IL22RA2: variants seen among roughly 807,000 people sequenced by gnomAD.
IL22RA2 encodes interleukin 22 receptor subunit alpha 2.
In IL22RA2, 39 loss-of-function variants were observed where a neutral mutation model predicts 30.7. That is an observed-to-expected ratio of 1.27 (90% confidence interval 0.98 to 1.66). The LOEUF (loss-of-function observed/expected upper bound fraction) is 1.66. IL22RA2 is among the 40% of genes most tolerant of loss of function. The probability of loss-of-function intolerance (pLI) is 0.00; values close to 1 mark genes in which losing one functional copy is unlikely to be tolerated. For missense variants in IL22RA2, 315 were observed against 312.7 expected, an observed-to-expected ratio of 1.01 and a Z score of -0.05; for synonymous variants, 103 against 105.0, an observed-to-expected ratio of 0.98 and a Z score of 0.11.
chr6:137,163,016 T>A (rs1200235781), intron 1 of IL22RA2, among the ~76,000 whole-genome samples: 2 of 152,214 alleles, frequency 1.3e-5, no homozygotes, highest in Non-Finnish European at 2.9e-5. Flanking sequence ...TAACAGCCTG[T>A]CTTCTCTCTG....
At chr6:137,172,960 A>G (rs1238440294) in intron 1 of IL22RA2, among the ~76,000 whole-genome samples, 3 of 152,180 alleles carry the variant, frequency 2.0e-5, no homozygotes, top group Non-Finnish European at 4.4e-5. Flanking sequence ...AGGCCTGGGA[A>G]AGGGGGTTAC....
intron 1 of IL22RA2, among the ~76,000 whole-genome samples, chr6:137,164,746 T>G (rs549022917): frequency 2.2e-4 from 33 of 152,184 alleles, no homozygotes; most frequent in Admixed American, 7.9e-4. Context: ...GCCCAAGCAA[T>G]GCAGATGCCA....
intron 1 of IL22RA2, among the ~76,000 whole-genome samples, chr6:137,172,043 C>A (rs1368569726): frequency 6.6e-6 from 1 of 152,216 alleles, no homozygotes. Context: ...TTATTCACTT[C>A]CCTGCTAATG....
At position 137,167,013 on chromosome 6, in the gene IL22RA2, T is replaced by C. The variant is rs373693563; in HGVS notation, c.-65-5199A>G. ...TGCATGCTAGTGTTTGTCTGCACTT[T>C]CTCAGGGTGGGTTGAGGCATTTCCC... On this transcript the variant is annotated intron_variant, in intron 1 of 6. Transcript: ENST00000296980. 6.1e-4 allele frequency among the ~76,000 whole-genome samples: 93 copies of C among 152,306 alleles called. 1 individual carries two copies. The South Asian group carries it at 0.019, about 32-fold the overall frequency.
intron 1 of IL22RA2, among the ~76,000 whole-genome samples, chr6:137,162,121 T>C (rs1040622): frequency 0.15 from 22,253 of 152,064 alleles, 1,738 homozygotes; most frequent in Non-Finnish European, 0.17. Flanking sequence ...AAACAACTAG[T>C]GGGGCCTTAA....
chr6:137,152,756 G>C (rs939245690), intron 5 of IL22RA2, among the ~76,000 whole-genome samples: 2 of 152,352 alleles, frequency 1.3e-5, no homozygotes, highest in East Asian at 1.9e-4. Context: ...AGTGGATGCA[G>C]TGACCATCTA....
In IL22RA2 at chr6:137,145,567, A is replaced by T; in HGVS notation, c.*57T>A. The T allele has an allele frequency of 6.6e-7, 1 of 1,508,940 alleles. No homozygotes were observed. The highest frequency in any genetic ancestry group is 2.3e-5 in the East Asian group (1 of 43,742). 93.5% of individuals were successfully genotyped at this position (1,508,940 alleles called of 1,614,324 possible). ...AAATAAGATCCTTCAAACACGAGTCATCCTGTTCTCAGGGAGCTTTAGAAT... is the reference window on the plus strand; with the variant it reads ...AAATAAGATCCTTCAAACACGAGTCTTCCTGTTCTCAGGGAGCTTTAGAAT... On this transcript the variant is annotated 3_prime_UTR_variant, in exon 7 of 7. Transcript: ENST00000296980.
chr6:137,160,590 C>T (rs1387809234), intron 2 of IL22RA2, among the ~76,000 whole-genome samples: 1 of 152,160 alleles, frequency 6.6e-6, no homozygotes, highest in Non-Finnish European at 1.5e-5. Flanking sequence ...CTTCTTCCCT[C>T]CTCCTCCTCC....
chr6:137,173,081 A>G (rs748292298), intron 1 of IL22RA2, among the ~76,000 whole-genome samples: 1 of 152,238 alleles, frequency 6.6e-6, no homozygotes, highest in Non-Finnish European at 1.5e-5. Flanking sequence ...AAGTTTATCT[A>G]CAAGATGTGG....
Position 137,156,848 on chromosome 6 carries a change from GA to G in IL22RA2, c.203del (p.Phe68SerfsTer5). 1 of 1,613,150 alleles carries G rather than the reference GA, an allele frequency of 6.2e-7. No individual in the cohort carries two copies. The highest frequency in any genetic ancestry group is 1.3e-5 in the African/African-American group (1 of 75,036). On this transcript the variant is annotated frameshift_variant, in exon 4 of 7. Coordinates refer to ENST00000296980, the MANE Select transcript of IL22RA2 (RefSeq NM_052962.3). LOFTEE classifies it high-confidence loss of function. ...GGTGAGAGCTTTTCATGCTGCATGA[GA>G]ACATGCTAGAGAAGGTCAATGGGGA... is the stretch of plus-strand genomic sequence containing the variant. ...SVYFVQYKIM[F>X]SCSMKSSHQK...
intron 1 of IL22RA2, among the ~76,000 whole-genome samples, chr6:137,170,639 G>C (rs1191665464): frequency 1.3e-5 from 2 of 152,014 alleles, no homozygotes; most frequent in Admixed American, 1.3e-4. Flanking sequence ...TTTGTTTGGG[G>C]CTCAGACTAG....
chr6:137,149,537 C>A (rs1778245044), intron 5 of IL22RA2, among the ~76,000 whole-genome samples: 1 of 152,176 alleles, frequency 6.6e-6, no homozygotes, highest in Non-Finnish European at 1.5e-5. Flanking sequence ...ATGTTGCTTA[C>A]TAAATGTCCC....
chr6:137,158,057 A>G (rs1247928292), intron 3 of IL22RA2, among the ~76,000 whole-genome samples: 1 of 152,150 alleles, frequency 6.6e-6, no homozygotes, highest in Non-Finnish European at 1.5e-5. Context: ...TGACAAATCT[A>G]TATTGAGAAC....
chr6:137,161,520 A>G (rs946286505), intron 2 of IL22RA2, among the ~76,000 whole-genome samples, 169 bp downstream of exon 2: 1 of 152,242 alleles, frequency 6.6e-6, no homozygotes, highest in Admixed American at 6.5e-5. Context: ...ATGTGGGGTC[A>G]TTCAAGCTGC....
chr6:137,156,965 T>C (rs925785102), intron 3 of IL22RA2, 111 bp from the exon 4 acceptor site: 1 of 1,448,190 alleles, frequency 6.9e-7, no homozygotes, highest in African/African-American at 1.4e-5. Flanking sequence ...AAATTCAGTC[T>C]TGCAAGAGTG....
At chr6:137,159,600 G>A (rs1778479937) in intron 2 of IL22RA2, among the ~76,000 whole-genome samples, 1 of 152,190 alleles carries the variant, frequency 6.6e-6, no homozygotes. Flanking sequence ...TGGGATTACA[G>A]GCGTGAGCCA....
intron 1 of IL22RA2, among the ~76,000 whole-genome samples, chr6:137,171,681 A>T (rs1027910763): frequency 1.3e-5 from 2 of 152,216 alleles, no homozygotes; most frequent in Non-Finnish European, 2.9e-5. Flanking sequence ...GGAAAACCTT[A>T]TTCCTGAGCA....
intron 1 of IL22RA2, among the ~76,000 whole-genome samples, chr6:137,169,583 A>T (rs1778692534): frequency 6.6e-6 from 1 of 152,216 alleles, no homozygotes; most frequent in Non-Finnish European, 1.5e-5. Context: ...ACTAACATTA[A>T]AAAGGACATT....
At chr6:137,155,246 T>A in intron 4 of IL22RA2, 127 bp from the exon 5 acceptor site, 2 of 613,594 alleles carry the variant, frequency 3.3e-6, no homozygotes, top group Non-Finnish European at 5.4e-6. Context: ...TTATGGCTCC[T>A]CTTCAGAATC....
Sources: allele counts gnomAD v4.1 joint callset (sites outside exome capture counted in the v4.1 genomes callset), GRCh38; gene constraint gnomAD v4.1.1; transcripts MANE v1.5; gene names NCBI Gene and HGNC (gene_info 2026-07-23, HGNC 2026-07-21).